The following DENND5B variants were observed in gnomAD, a reference collection of about 807,000 sequenced individuals.
DENND5B encodes the protein DENN domain-containing protein 5B.
DENND5B carries 34 observed loss-of-function variants against 140.6 expected under a neutral mutation model. The observed-to-expected ratio is 0.24, with a 90% confidence interval of 0.18 to 0.32. DENND5B has a LOEUF of 0.32. Ranked by LOEUF, DENND5B falls within the 10% of genes least tolerant of loss-of-function variation. DENND5B has a pLI of 1.00. For missense variants in DENND5B, 1,142 were observed against 1,560.2 expected (o/e 0.73, Z 4.52); for synonymous variants, 551 against 562.1 (o/e 0.98, Z 0.28).
chr12:31,511,361 T>C (rs1475770589), intron 1 of DENND5B, among the ~76,000 whole-genome samples: 2 of 152,192 alleles, frequency 1.3e-5, no homozygotes, highest in African/African-American at 4.8e-5. Context: ...ATTTTTATGG[T>C]CCAATATTTT....
intron 1 of DENND5B, among the ~76,000 whole-genome samples, chr12:31,551,380 C>A (rs916542106): frequency 6.6e-5 from 10 of 151,948 alleles, no homozygotes; most frequent in Non-Finnish European, 1.2e-4. Context: ...TGTAGATATG[C>A]GGCATTATTT....
At chr12:31,457,292 CA>C (rs1944819194) in intron 4 of DENND5B, among the ~76,000 whole-genome samples, 1 of 152,164 alleles carries the variant, frequency 6.6e-6, no homozygotes, top group South Asian at 2.1e-4. Context: ...CCCTAAAAAA[CA>C]GTATTACAAA....
intron 1 of DENND5B, among the ~76,000 whole-genome samples, chr12:31,550,446 T>G (rs1949010798): frequency 6.6e-6 from 1 of 152,136 alleles, no homozygotes; most frequent in South Asian, 2.1e-4. Context: ...TGCCACATTT[T>G]CTTAATACAG....
At position 31,452,466 on chromosome 12, in the gene DENND5B, C is replaced by T; in HGVS notation, c.1103G>A (p.Cys368Tyr). ...AAAATGGTTGTCAATGTCCACAAAACACAAATTAGCCTGAAAGAGAAAAAT... is the reference window on the plus strand; with the variant it reads ...AAAATGGTTGTCAATGTCCACAAAATACAAATTAGCCTGAAAGAGAAAAAT... Reference protein sequence around the residue: ...KLELPQEANLCFVDIDNHFIE... With the variant: ...KLELPQEANLYFVDIDNHFIE... Residue 368 changes from cysteine (C) to tyrosine (Y), a missense_variant, in exon 5 of 21, where the codon TGT becomes TAT. Cys to Tyr is a radical substitution (Grantham distance 194, BLOSUM62 -2). Coordinates refer to ENST00000389082, the MANE Select transcript of DENND5B (RefSeq NM_144973.4). The T allele has an allele frequency of 6.3e-7, 1 of 1,597,184 alleles. No homozygotes were observed. The highest frequency in any genetic ancestry group is 8.5e-7 in the Non-Finnish European group (1 of 1,172,856).
chr12:31,483,105 C>T (rs1223942549), intron 2 of DENND5B, among the ~76,000 whole-genome samples: 2 of 152,188 alleles, frequency 1.3e-5, no homozygotes, highest in African/African-American at 2.4e-5. Flanking sequence ...CCCTTGGTAT[C>T]CACATGACTC....
chr12:31,429,074 A>T (rs1943386701), intron 8 of DENND5B, among the ~76,000 whole-genome samples: 1 of 149,850 alleles, frequency 6.7e-6, no homozygotes, highest in Admixed American at 6.7e-5. Context: ...GGGTTTCATC[A>T]TGTTGGTCAG....
rs117664872 is a variant in DENND5B at position 31,401,732 on chromosome 12, G to A, written c.2949+766C>T. 8.7e-3 allele frequency among the ~76,000 whole-genome samples: 1,318 copies of A among 152,254 alleles called. 7 individuals are homozygous for A. Among genetic ancestry groups the A allele is most frequent in the Non-Finnish European group, 0.012 (848 of 68,004 alleles). ...TGCAACCTCTGTCTCCTGGGCTCAAGTGACCTCAGCCTTGCAAGTACCCAG... is the reference window on the plus strand; with the variant it reads ...TGCAACCTCTGTCTCCTGGGCTCAAATGACCTCAGCCTTGCAAGTACCCAG... On this transcript the variant is annotated intron_variant, in intron 15 of 20. Transcript: ENST00000389082.
At chr12:31,550,831 T>A (rs1320437792) in intron 1 of DENND5B, among the ~76,000 whole-genome samples, 1 of 152,244 alleles carries the variant, frequency 6.6e-6, no homozygotes, top group African/African-American at 2.4e-5. Flanking sequence ...ATGAGCATTT[T>A]TTCATGTGTT....
chr12:31,437,200 T>C (rs528257825), intron 7 of DENND5B, among the ~76,000 whole-genome samples: 1 of 151,184 alleles, frequency 6.6e-6, no homozygotes, highest in South Asian at 2.1e-4. Context: ...TGGAATGCAG[T>C]GGCACAATCT....
chr12:31,468,434 A>G (rs1945379128), intron 3 of DENND5B, among the ~76,000 whole-genome samples: 1 of 152,140 alleles, frequency 6.6e-6, no homozygotes, highest in Non-Finnish European at 1.5e-5. Flanking sequence ...AGTGAATAAT[A>G]AAAACAAAAC....
At chr12:31,528,710 G>A (rs1456107982) in intron 1 of DENND5B, among the ~76,000 whole-genome samples, 2 of 152,196 alleles carry the variant, frequency 1.3e-5, no homozygotes, top group African/African-American at 4.8e-5. Flanking sequence ...GGAAACAATA[G>A]GAATCCAGTT....
At chr12:31,427,537 C>T (rs905429328) in intron 8 of DENND5B, among the ~76,000 whole-genome samples, 16 of 150,074 alleles carry the variant, frequency 1.1e-4, no homozygotes, top group South Asian at 2.1e-4. Flanking sequence ...ACCTGGGAGG[C>T]GGAGATTGCA....
chr12:31,451,738 A>T, intron 5 of DENND5B: 3 of 586,508 alleles, frequency 5.1e-6, no homozygotes, highest in Non-Finnish European at 8.6e-6. Flanking sequence ...TGCTTGTAAA[A>T]TTATTTTATC....
chr12:31,413,606 T>C (rs1942579738), intron 12 of DENND5B, 42 bp from the exon 13 acceptor site: 1 of 1,581,180 alleles, frequency 6.3e-7, no homozygotes, highest in Non-Finnish European at 8.6e-7. Flanking sequence ...ATTTTAAGGA[T>C]AACCCTGACT....
chr12:31,454,154 A>AG (rs1944663724), intron 4 of DENND5B, among the ~76,000 whole-genome samples: 2 of 151,984 alleles, frequency 1.3e-5, no homozygotes. Flanking sequence ...AAAAAAAAAA[A>AG]AAAAAAATTT....
intron 1 of DENND5B, among the ~76,000 whole-genome samples, chr12:31,530,590 T>C (rs35193529): frequency 0.13 from 19,318 of 152,198 alleles, 1,555 homozygotes; most frequent in Non-Finnish European, 0.18. Flanking sequence ...AAATAAATCA[T>C]AGTTGAATAT....
chr12:31,520,258 G>A lies in DENND5B; in HGVS notation c.128-24339C>T, dbSNP rs187391403. ...AATCAGTTTCCTGCAGATATTCTGC[G>A]TTGAAGTTCTTACTAATCAACTATA... On this transcript the variant is annotated intron_variant, in intron 1 of 20. Coordinates refer to ENST00000389082, the MANE Select transcript of DENND5B (RefSeq NM_144973.4). Among the ~76,000 whole-genome samples the A allele has an allele frequency of 2.8e-3, 419 of 152,268 alleles. 3 individuals are homozygous for A. Among genetic ancestry groups the A allele is most frequent in the African/African-American group, 9.5e-3 (395 of 41,552 alleles).
rs947248950 is a variant in DENND5B, at chr12:31,387,527, C to T, written c.*76G>A. 11 of 1,503,366 alleles carry T rather than the reference C, an allele frequency of 7.3e-6. No individual in the cohort carries two copies. In the African/African-American group the frequency reaches 1.2e-4, roughly 17 times the overall value. 93.1% of individuals were successfully genotyped at this position (1,503,366 alleles called of 1,614,324 possible). On this transcript the variant is annotated 3_prime_UTR_variant, in exon 21 of 21. Transcript: ENST00000389082. ...TGGCTGCCCCTGCAGTGACTCACTA[C>T]TGTCAGACAAGTCCAAATCGGTCCC...
intron 1 of DENND5B, among the ~76,000 whole-genome samples, chr12:31,554,496 A>C (rs1415339698): frequency 6.6e-6 from 1 of 151,612 alleles, no homozygotes; most frequent in African/African-American, 2.4e-5. Flanking sequence ...TGCCCTTAAC[A>C]TTTTTTCCTT....
Sources: allele counts gnomAD v4.1 joint callset (sites outside exome capture counted in the v4.1 genomes callset), GRCh38; gene constraint gnomAD v4.1.1; transcripts MANE v1.5; gene names NCBI Gene and HGNC (gene_info 2026-07-23, HGNC 2026-07-21).